Variants in SGK1 observed in about 807,000 individuals in gnomAD.
SGK1 encodes serum/glucocorticoid regulated kinase 1.
In SGK1, 26 loss-of-function variants were observed where a neutral mutation model predicts 64.2. The ratio of observed to expected loss-of-function variants is 0.40; its 90% CI spans 0.30 to 0.56. SGK1 has a LOEUF of 0.56. Among genes scored for constraint, SGK1 ranks in the 20% least tolerant of loss-of-function variants. The pLI is 0.38. For synonymous variants in SGK1, 265 were observed against 239.7 expected (o/e 1.11, Z -0.98); for missense variants, 519 against 645.6 (o/e 0.80, Z 2.12).
Position 134,172,021 on chromosome 6 carries a change from G to A in SGK1, c.1071+172C>T. 6.2e-6 allele frequency: 5 copies of A among 807,620 alleles called. No individual in the cohort carries two copies. In the South Asian group the frequency reaches 8.7e-5, roughly 14 times the overall value. The allele number at this position is 807,620 out of a possible 1,614,324, so 50.0% of individuals were successfully genotyped here. ...GCTACTTTTCAGTAAAGGAACAGAAGGACTTGGGATTTCTCATGCTACATC... is the reference window on the plus strand; with the variant it reads ...GCTACTTTTCAGTAAAGGAACAGAAAGACTTGGGATTTCTCATGCTACATC... On this transcript the variant is annotated intron_variant, in intron 10 of 13. Coordinates refer to ENST00000367858, the MANE Select transcript of SGK1 (RefSeq NM_001143676.3).
In SGK1 at chr6:134,170,351, C is replaced by A; in HGVS notation, c.1498G>T (p.Val500Phe). 1.9e-6 allele frequency: 3 copies of A among 1,614,086 alleles called. No individual in the cohort carries two copies. Among genetic ancestry groups the A allele is most frequent in the Non-Finnish European group, 2.5e-6 (3 of 1,179,970 alleles). Reference sequence around the variant, plus strand: ...TCCTTGACGCTGGCTGTGACGAGGACGCTGTCAGGGGACTTGCCAATGGAG... The same window carrying A: ...TCCTTGACGCTGGCTGTGACGAGGAAGCTGTCAGGGGACTTGCCAATGGAG... ...PNSIGKSPDS[V>F]LVTASVKEAA... Residue 500 changes from valine (V) to phenylalanine (F), a missense_variant, in exon 14 of 14, where the codon GTC (valine) becomes TTC (phenylalanine). This residue lies in a region of SGK1 where 278 missense variants were observed against 408.7 expected (regional missense o/e 0.68). Transcript: ENST00000367858.
intron 1 of SGK1, among the ~76,000 whole-genome samples, chr6:134,277,539 C>A (rs1243175167): frequency 6.6e-6 from 1 of 152,022 alleles, no homozygotes; most frequent in African/African-American, 2.4e-5. Flanking sequence ...GAGAGGTGGG[C>A]AGACCTGGGT....
intron 3 of SGK1, chr6:134,177,560 A>G (rs754214208): frequency 5.8e-5 from 48 of 833,498 alleles, no homozygotes; most frequent in Non-Finnish European, 8.6e-5. Flanking sequence ...AGAAACCTAC[A>G]ACCAGAGACC....
chr6:134,283,673 C>A (rs1009175421), intron 1 of SGK1, among the ~76,000 whole-genome samples: 1 of 151,434 alleles, frequency 6.6e-6, no homozygotes, highest in Non-Finnish European at 1.5e-5. Flanking sequence ...TACAGTGAGA[C>A]CTTGTCTCTA....
intron 1 of SGK1, among the ~76,000 whole-genome samples, chr6:134,285,305 C>G (rs1777165187): frequency 6.6e-6 from 1 of 151,964 alleles, no homozygotes; most frequent in Admixed American, 6.6e-5. Context: ...GTTGAAACCC[C>G]ATCTTTACTA....
Position 134,260,401 on chromosome 6 carries a change from G to C in SGK1, c.285+1532C>G, listed in dbSNP as rs981612549. ...CCCCCCCAAAAAAAGGGCCGGCGTAGTGGCTCATGCCTGTAATCCCAGCAA... is the reference window on the plus strand; with the variant it reads ...CCCCCCCAAAAAAAGGGCCGGCGTACTGGCTCATGCCTGTAATCCCAGCAA... On this transcript the variant is annotated intron_variant, in intron 2 of 13. Coordinates refer to ENST00000367858, the MANE Select transcript of SGK1 (RefSeq NM_001143676.3). The C allele has an allele frequency of 1.4e-4, 19 of 135,172 alleles. 1 individual carries two copies. In the East Asian group the frequency reaches 3.9e-3, roughly 28 times the overall value. The allele number at this position is 135,172 out of a possible 1,614,324, so 8.4% of individuals were successfully genotyped here. A position where few individuals can be genotyped will look rare whatever the true frequency, so the allele number is the denominator to read the frequency against.
At chr6:134,190,067 C>A (rs147064762) in intron 3 of SGK1, among the ~76,000 whole-genome samples, 5,112 of 152,238 alleles carry the variant, frequency 0.034, 243 homozygotes, top group African/African-American at 0.1. Flanking sequence ...CCAGGCTGGT[C>A]TTAAACTCCT....
intron 2 of SGK1, among the ~76,000 whole-genome samples, chr6:134,246,264 G>T (rs868251345): frequency 3.1e-4 from 46 of 150,558 alleles, no homozygotes; most frequent in African/African-American, 9.3e-4. Context: ...TTCTCCTGCC[G>T]CAGCCTCCCA....
At position 134,175,036 on chromosome 6, in the gene SGK1, G is replaced by A. The variant is rs561517521; in HGVS notation, c.362-450C>T. On this transcript the variant is annotated intron_variant, in intron 3 of 13. Transcript: ENST00000367858. Reference sequence around the variant, plus strand: ...GCGGGCGGTTCTGTCCCCATTGAGAGGGCGAGCCCCGGGCGGGGGCGCGAG... The same window carrying A: ...GCGGGCGGTTCTGTCCCCATTGAGAAGGCGAGCCCCGGGCGGGGGCGCGAG... 34 of 759,670 alleles carry A rather than the reference G, an allele frequency of 4.5e-5. 1 individual carries two copies. In the African/African-American group the frequency reaches 6.3e-4, roughly 14 times the overall value. 47.1% of individuals were successfully genotyped at this position (759,670 alleles called of 1,614,324 possible).
chr6:134,248,375 T>C (rs1385721821), intron 2 of SGK1, among the ~76,000 whole-genome samples: 1 of 151,452 alleles, frequency 6.6e-6, no homozygotes, highest in Non-Finnish European at 1.5e-5. Context: ...AGGTCAATAA[T>C]GTCATCTTCC....
At chr6:134,243,304 T>G (rs1276382814) in intron 2 of SGK1, among the ~76,000 whole-genome samples, 9 of 152,152 alleles carry the variant, frequency 5.9e-5, no homozygotes, top group Non-Finnish European at 2.9e-5. Flanking sequence ...CAATTCATTA[T>G]GTCCTTTGGA....
rs1002088359 is a variant in SGK1, at chr6:134,176,578, T to C, written c.362-1992A>G. Among the ~76,000 whole-genome samples, 4 of 151,790 alleles carry C rather than the reference T, an allele frequency of 2.6e-5. 1 individual carries two copies. The East Asian group carries it at 5.9e-4, about 22-fold the overall frequency. ...GCGGGCAGTTACAAGTTACCACTAT[T>C]CGCAGGGCCAGGTACCTGGCGCTCG... On this transcript the variant is annotated intron_variant, in intron 3 of 13. Coordinates refer to ENST00000367858, the MANE Select transcript of SGK1 (RefSeq NM_001143676.3).
chr6:134,260,645 C>A (rs1188963769), intron 2 of SGK1: 1 of 141,692 alleles, frequency 7.1e-6, no homozygotes, highest in Non-Finnish European at 1.5e-5. Flanking sequence ...GCACTCCAGT[C>A]TGGGCAACAA....
chr6:134,222,585 C>T (rs1776107197), intron 2 of SGK1, among the ~76,000 whole-genome samples: 1 of 152,152 alleles, frequency 6.6e-6, no homozygotes, highest in Non-Finnish European at 1.5e-5. Context: ...ATCCACCCAC[C>T]TCATCCTCGC....
Position 134,261,976 on chromosome 6 carries a change from T to C in SGK1, c.242A>G (p.Gln81Arg). 2 of 1,613,622 alleles carry C rather than the reference T, an allele frequency of 1.2e-6. No individual in the cohort carries two copies. Among genetic ancestry groups the C allele is most frequent in the East Asian group, 2.2e-5 (1 of 44,884 alleles). ...EHAFQRGVLPQENESCSWETQ... is the reference protein window; with the variant it reads ...EHAFQRGVLPRENESCSWETQ... Reference sequence around the variant, plus strand: ...TTCCCATGAACATGACTCGTTCTCCTGAGGGAGAACCCCTCTTTGGAAAGC... The same window carrying C: ...TTCCCATGAACATGACTCGTTCTCCCGAGGGAGAACCCCTCTTTGGAAAGC... Residue 81 changes from glutamine (Q) to arginine (R), a missense_variant, in exon 2 of 14, where the codon CAG (glutamine) becomes CGG (arginine). This residue lies in a region of SGK1 where 241 missense variants were observed against 236.9 expected (regional missense o/e 1.02). Transcript: ENST00000367858.
chr6:134,211,527 G>C (rs1775889734), intron 2 of SGK1: 1 of 155,714 alleles, frequency 6.4e-6, no homozygotes, highest in Admixed American at 6.4e-5. Context: ...AGCATGGTTT[G>C]ACCCAGATTA....
chr6:134,197,321 ACT>A lies in SGK1; in HGVS notation c.361+10033_361+10034del, dbSNP rs567564193. ...GTGGAAGATAGCTGGCAAGTTGGAG[ACT>A]CTAACTTGAGATGTGGTACTACTTG... On this transcript the variant is annotated intron_variant, in intron 3 of 13. Transcript: ENST00000367858. 5.7e-3 allele frequency among the ~76,000 whole-genome samples: 873 copies of A among 152,002 alleles called. 4 individuals carry two copies. The highest frequency in any genetic ancestry group is 8.2e-3 in the Non-Finnish European group (560 of 67,970).
At chr6:134,218,747 T>C (rs1228663887) in intron 2 of SGK1, 1 of 152,202 alleles carries the variant, frequency 6.6e-6, no homozygotes, top group African/African-American at 2.4e-5. Flanking sequence ...GAACTTGTTT[T>C]CTGATGCTGG....
At position 134,173,168 on chromosome 6, in the gene SGK1, G is replaced by A. The variant is rs769138634; in HGVS notation, c.703-14C>T. ...AATATGCTTCTCCTAGGAAAATGACGATTCAGATTTAGTGGCATGTTTCAA... is the reference window on the plus strand; with the variant it reads ...AATATGCTTCTCCTAGGAAAATGACAATTCAGATTTAGTGGCATGTTTCAA... On this transcript the variant is annotated splice_polypyrimidine_tract_variant and intron_variant, in intron 7 of 13. Coordinates refer to ENST00000367858, the MANE Select transcript of SGK1 (RefSeq NM_001143676.3). 5.0e-5 allele frequency: 80 copies of A among 1,610,970 alleles called. No homozygotes were observed. The East Asian group carries it at 1.6e-3, about 32-fold the overall frequency.
Sources: gnomAD v4.1 joint callset for allele counts (sites outside exome capture counted in the v4.1 genomes callset) on GRCh38, gnomAD v4.1.1 for gene constraint, gnomAD v4.1.1 regional missense constraint, MANE v1.5 for transcripts, NCBI Gene and HGNC (gene_info 2026-07-23, HGNC 2026-07-21) for gene names.